The following FAM193A variants were observed in gnomAD, a reference collection of about 807,000 sequenced individuals.
FAM193A encodes family with sequence similarity 193 member A, also known as protein FAM193A.
FAM193A carries 22 observed loss-of-function variants against 126.5 expected under a neutral mutation model. The observed-to-expected ratio is 0.17, with a 90% CI of 0.12 to 0.25. The LOEUF (loss-of-function observed/expected upper bound fraction) is 0.25, where lower values mean the gene tolerates loss of function less well. Among genes scored for constraint, FAM193A ranks in the 10% least tolerant of loss-of-function variants. FAM193A has a pLI of 1.00. For synonymous variants in FAM193A, 761 were observed against 646.8 expected (o/e 1.18, Z -2.68); for missense variants, 1,675 against 1,672.8 (o/e 1.00, Z -0.02).
chr4:2,651,667 A>C (rs140748891), intron 7 of FAM193A, among the ~76,000 whole-genome samples: 1 of 152,250 alleles, frequency 6.6e-6, no homozygotes, highest in Non-Finnish European at 1.5e-5. Context: ...GGTGGGGACA[A>C]AGGTGAACCA....
chr4:2,636,288 C>T (rs1196783321), intron 5 of FAM193A, among the ~76,000 whole-genome samples: 2 of 152,074 alleles, frequency 1.3e-5, no homozygotes, highest in East Asian at 1.9e-4. Flanking sequence ...TGGTCTCGAT[C>T]TCCTGACCTC....
At chr4:2,589,648 T>A (rs1048344965) in intron 1 of FAM193A, among the ~76,000 whole-genome samples, 6 of 152,356 alleles carry the variant, frequency 3.9e-5, no homozygotes, top group African/African-American at 1.4e-4. Flanking sequence ...TTGTTACCAA[T>A]CTCTTTGTAA....
chr4:2,585,339 A>G (rs1459264994), intron 1 of FAM193A, among the ~76,000 whole-genome samples: 1 of 152,188 alleles, frequency 6.6e-6, no homozygotes, highest in Non-Finnish European at 1.5e-5. Context: ...TCACTCTACC[A>G]GCAGTGCTTG....
chr4:2,606,020 C>T (rs1471293901), intron 2 of FAM193A, among the ~76,000 whole-genome samples: 1 of 138,166 alleles, frequency 7.2e-6, no homozygotes, highest in Admixed American at 7.3e-5. Context: ...GTAGAGTGGC[C>T]GTGTTTTGTA....
chr4:2,640,979 C>T lies in FAM193A; in HGVS notation c.1163+1120C>T, dbSNP rs141307402. On this transcript the variant is annotated intron_variant, in intron 6 of 20. Transcript: ENST00000637812. Reference sequence around the variant, plus strand: ...GATGCTGTCTCGGGGGAAAAAAAGTCGTTAGCTTCACAAAGCAAGGGAATA... The same window carrying T: ...GATGCTGTCTCGGGGGAAAAAAAGTTGTTAGCTTCACAAAGCAAGGGAATA... Among the ~76,000 whole-genome samples the T allele has an allele frequency of 4.6e-5, 7 of 151,864 alleles. No individual in the cohort carries two copies. In the South Asian group the frequency reaches 6.3e-4, roughly 14 times the overall value.
intron 13 of FAM193A, among the ~76,000 whole-genome samples, chr4:2,672,617 G>T (rs554332814): frequency 6.6e-6 from 1 of 152,282 alleles, no homozygotes; most frequent in South Asian, 2.1e-4. Context: ...GAATTAAATA[G>T]AACAGAAGGA....
chr4:2,675,711 G>A (rs1331477707), intron 13 of FAM193A, among the ~76,000 whole-genome samples: 1 of 152,010 alleles, frequency 6.6e-6, no homozygotes, highest in African/African-American at 2.4e-5. Context: ...TATTAAATAC[G>A]TTGATAATGT....
chr4:2,655,159 T>C, intron 7 of FAM193A: 1 of 682,512 alleles, frequency 1.5e-6, no homozygotes, highest in South Asian at 1.6e-5. Flanking sequence ...GTTTGATGCT[T>C]GCCATACAGA....
chr4:2,684,675 A>C (rs895354223), intron 13 of FAM193A, among the ~76,000 whole-genome samples: 5 of 152,118 alleles, frequency 3.3e-5, no homozygotes, highest in African/African-American at 9.7e-5. Context: ...GCTCCTCTTG[A>C]GGGCCTCCAG....
intron 1 of FAM193A, among the ~76,000 whole-genome samples, chr4:2,590,689 G>C (rs1036316473): frequency 4.0e-5 from 6 of 151,876 alleles, no homozygotes; most frequent in African/African-American, 1.5e-4. Flanking sequence ...ATGGACATGT[G>C]AAAGATAATT....
intron 19 of FAM193A, among the ~76,000 whole-genome samples, chr4:2,700,748 G>A (rs1262160644): frequency 6.6e-6 from 1 of 152,104 alleles, no homozygotes; most frequent in Non-Finnish European, 1.5e-5. Context: ...ATCACCAGAG[G>A]TTAAGAGTTC....
rs231696 is a variant in FAM193A at position 2,699,791 on chromosome 4, C to T, written c.3619C>T (p.Arg1207Cys). ...EEEDEEEEEDRFKEEFQRLQE... is the reference protein window; with the variant it reads ...EEEDEEEEEDCFKEEFQRLQE... ...GGAGGATGAGGAAGAAGAGGAGGAT[C>T]GTTTCAAGGAGGAATTTCAGCGGCT... Residue 1207 changes from arginine (R) to cysteine (C), a missense_variant, in exon 19 of 21, where the codon CGT becomes TGT. Coordinates refer to ENST00000637812, the MANE Select transcript of FAM193A (RefSeq NM_001366318.2). 1.1e-4 allele frequency: 175 copies of T among 1,613,730 alleles called. 2 individuals carry two copies. The African/African-American group carries it at 1.8e-3, about 17-fold the overall frequency.
chr4:2,665,969 C>T (rs1361941504), intron 12 of FAM193A, among the ~76,000 whole-genome samples: 1 of 152,194 alleles, frequency 6.6e-6, no homozygotes, highest in Non-Finnish European at 1.5e-5. Context: ...GACTCAGCCT[C>T]CCGAGTGCTT....
At position 2,700,234 on chromosome 4, in the gene FAM193A, C is replaced by T. The variant is rs573864648; in HGVS notation, c.4062C>T (p.Pro1354=). ...CCAGCAGCGAGCCAGCGAGGAGGCC[C>T]ACAGAGCCCCCCAAGGCCACAGAGG... ...SKASSEPARR[P]TEPPKATEGQ... Residue 1354 remains proline (P), a synonymous_variant, in exon 19 of 21, where the codon CCC becomes CCT. Transcript: ENST00000637812. 1 of 1,613,930 alleles carries T rather than the reference C, an allele frequency of 6.2e-7. No homozygotes were observed. The highest frequency in any genetic ancestry group is 2.2e-5 in the East Asian group (1 of 44,824).
intron 1 of FAM193A, among the ~76,000 whole-genome samples, chr4:2,545,795 C>T (rs952777365): frequency 6.6e-6 from 1 of 152,194 alleles, no homozygotes; most frequent in East Asian, 1.9e-4. Context: ...AGTGCTCCCA[C>T]CTCAGCCTCC....
chr4:2,707,569 T>C (rs1446944651), intron 19 of FAM193A, among the ~76,000 whole-genome samples: 1 of 152,144 alleles, frequency 6.6e-6, no homozygotes, highest in African/African-American at 2.4e-5. Context: ...ATTGGTTACA[T>C]GTTTAAATCA....
intron 4 of FAM193A, among the ~76,000 whole-genome samples, chr4:2,627,798 A>G (rs1311037366): frequency 6.0e-5 from 9 of 149,034 alleles, no homozygotes; most frequent in Non-Finnish European, 8.9e-5. Flanking sequence ...GCTGGAGTGC[A>G]GTGGCGCAAT....
intron 2 of FAM193A, among the ~76,000 whole-genome samples, chr4:2,624,934 T>A (rs185200183): frequency 2.0e-5 from 3 of 152,314 alleles, no homozygotes; most frequent in Admixed American, 2.0e-4. Context: ...CACGGCTGAC[T>A]ATAGCCTCAA....
intron 13 of FAM193A, among the ~76,000 whole-genome samples, chr4:2,687,028 C>T (rs751841655): frequency 1.4e-4 from 21 of 152,208 alleles, no homozygotes; most frequent in East Asian, 3.9e-4. Context: ...CTGGGTGGCC[C>T]GTCTGGACCT....
Sources: gnomAD v4.1 joint callset for allele counts (sites outside exome capture counted in the v4.1 genomes callset) on GRCh38, gnomAD v4.1.1 for gene constraint, MANE v1.5 for transcripts, NCBI Gene and HGNC (gene_info 2026-07-23, HGNC 2026-07-21) for gene names.